TAFA2: variants seen among roughly 807,000 people sequenced by gnomAD.
TAFA2 encodes TAFA chemokine like family member 2, also known as chemokine-like protein TAFA-2.
Under a neutral mutation model 18.8 loss-of-function variants are expected in TAFA2, and 7 were observed. The ratio of observed to expected loss-of-function variants is 0.37; its 90% CI spans 0.21 to 0.70. The LOEUF (loss-of-function observed/expected upper bound fraction) is 0.70, where lower values mean the gene tolerates loss of function less well. Among genes scored for constraint, TAFA2 ranks in the 30% least tolerant of loss-of-function variants. The pLI, the probability that TAFA2 is intolerant of heterozygous loss-of-function variation, is 0.53. For synonymous variants in TAFA2, 60 were observed against 54.2 expected (o/e 1.11, Z -0.47); for missense variants, 122 against 158.1 (o/e 0.77, Z 1.23).
intron 1 of TAFA2, among the ~76,000 whole-genome samples, chr12:62,204,245 C>G (rs1284037381): frequency 1.3e-5 from 2 of 152,062 alleles, no homozygotes; most frequent in Non-Finnish European, 2.9e-5. Context: ...GGTGACCTGG[C>G]CTTTCTCTCT....
chr12:62,246,255 G>A (rs1009506198), intron 1 of TAFA2, among the ~76,000 whole-genome samples: 4 of 152,026 alleles, frequency 2.6e-5, no homozygotes, highest in African/African-American at 9.7e-5. Context: ...CAAAGTGCTG[G>A]GATTACAAGC....
intron 2 of TAFA2, among the ~76,000 whole-genome samples, chr12:61,781,094 A>T (rs750495290): frequency 3.3e-5 from 5 of 151,766 alleles, no homozygotes; most frequent in Non-Finnish European, 5.9e-5. Context: ...CTACAATCAG[A>T]GATAAAAGGC....
chr12:62,210,052 T>G lies in TAFA2; in HGVS notation c.-130+48711A>C, dbSNP rs1349809581. Reference sequence around the variant, plus strand: ...CGTCTCTACTAAAAATACAAAAAATTAGCCGGGCGTGGTGGTGGGCGCCTG... The same window carrying G: ...CGTCTCTACTAAAAATACAAAAAATGAGCCGGGCGTGGTGGTGGGCGCCTG... On this transcript the variant is annotated intron_variant, in intron 1 of 5. Coordinates refer to the TAFA2 transcript ENST00000551619. Among the ~76,000 whole-genome samples, 4 of 152,006 alleles carry G rather than the reference T, an allele frequency of 2.6e-5. No individual in the cohort carries two copies. In the East Asian group the frequency reaches 7.8e-4, roughly 29 times the overall value.
chr12:61,844,440 A>C (rs1873317905), intron 2 of TAFA2, among the ~76,000 whole-genome samples: 2 of 152,114 alleles, frequency 1.3e-5, no homozygotes, highest in Non-Finnish European at 2.9e-5. Context: ...GCAACAGTAC[A>C]CGAGAAAAGC....
At chr12:62,258,288 AT>A (rs2062950159) in intron 1 of TAFA2, 2 of 152,230 alleles carry the variant, frequency 1.3e-5, no homozygotes, top group African/African-American at 4.8e-5. Flanking sequence ...AATCTGATGT[AT>A]AATTCAAATT....
At chr12:62,083,510 C>T (rs2136823147) in intron 1 of TAFA2, among the ~76,000 whole-genome samples, 1 of 152,228 alleles carries the variant, frequency 6.6e-6, no homozygotes, top group Admixed American at 6.5e-5. Flanking sequence ...AAACCTCTCT[C>T]CTCTCCGCCA....
At chr12:62,149,237 C>T (rs1006435544) in intron 1 of TAFA2, among the ~76,000 whole-genome samples, 7 of 152,044 alleles carry the variant, frequency 4.6e-5, no homozygotes, top group Non-Finnish European at 5.9e-5. Context: ...AATTGGCTCT[C>T]GAGAATTAAA....
chr12:62,037,613 T>A (rs1281514908), intron 1 of TAFA2, among the ~76,000 whole-genome samples: 4 of 152,184 alleles, frequency 2.6e-5, no homozygotes, highest in Non-Finnish European at 5.9e-5. Context: ...CACTACAGAC[T>A]TATGGAATAA....
chr12:62,109,864 T>C (rs558190606), intron 1 of TAFA2, among the ~76,000 whole-genome samples: 2 of 152,222 alleles, frequency 1.3e-5, no homozygotes, highest in Non-Finnish European at 2.9e-5. Flanking sequence ...TTTATCAGTT[T>C]AAGGAGATTT....
chr12:61,726,009 G>T (rs1201013992), intron 4 of TAFA2, among the ~76,000 whole-genome samples: 2 of 136,866 alleles, frequency 1.5e-5, no homozygotes, highest in East Asian at 2.2e-4. Flanking sequence ...TCTGAGAAGA[G>T]TTTCTTTTTT....
At chr12:61,890,874 A>G (rs769717091) in intron 1 of TAFA2, among the ~76,000 whole-genome samples, 6 of 152,154 alleles carry the variant, frequency 3.9e-5, no homozygotes, top group Non-Finnish European at 8.8e-5. Context: ...ACATCGTAGC[A>G]TAAGTGCCAG....
At chr12:61,914,160 A>G (rs906599208) in intron 1 of TAFA2, among the ~76,000 whole-genome samples, 13 of 152,154 alleles carry the variant, frequency 8.5e-5, no homozygotes, top group African/African-American at 2.9e-4. Flanking sequence ...TGCCCTAAGG[A>G]TGAAGATCCA....
At chr12:62,216,773 TG>T (rs1347273234) in intron 1 of TAFA2, among the ~76,000 whole-genome samples, 1 of 152,236 alleles carries the variant, frequency 6.6e-6, no homozygotes, top group Non-Finnish European at 1.5e-5. Flanking sequence ...TTAATTCTTT[TG>T]CCCTCTGACA....
At chr12:61,959,426 T>A (rs1878807000) in intron 1 of TAFA2, among the ~76,000 whole-genome samples, 1 of 152,064 alleles carries the variant, frequency 6.6e-6, no homozygotes, top group Non-Finnish European at 1.5e-5. Context: ...TTTGTCAATA[T>A]TTTAAAGGTA....
At chr12:62,045,605 C>A (rs1028412400) in intron 1 of TAFA2, among the ~76,000 whole-genome samples, 17 of 152,174 alleles carry the variant, frequency 1.1e-4, no homozygotes, top group Admixed American at 1.0e-3. Context: ...CAAAATTATG[C>A]TCTACAAACT....
At chr12:61,765,201 C>G (rs1177020251) in intron 2 of TAFA2, among the ~76,000 whole-genome samples, 1 of 152,040 alleles carries the variant, frequency 6.6e-6, no homozygotes, top group Non-Finnish European at 1.5e-5. Context: ...CTCCATCACC[C>G]ACTCTCTCTC....
chr12:62,127,114 C>A (rs1870494826), intron 1 of TAFA2, among the ~76,000 whole-genome samples: 1 of 152,022 alleles, frequency 6.6e-6, no homozygotes, highest in African/African-American at 2.4e-5. Context: ...CTAGTTTCAT[C>A]ATGGGTTTAT....
intron 4 of TAFA2, among the ~76,000 whole-genome samples, chr12:61,741,991 G>A (rs1868475723): frequency 6.6e-6 from 1 of 152,076 alleles, no homozygotes; most frequent in Admixed American, 6.6e-5. Flanking sequence ...CCACCTCCTG[G>A]GTTCAAGCAA....
intron 1 of TAFA2, among the ~76,000 whole-genome samples, chr12:62,245,727 C>T (rs1201826760): frequency 7.2e-6 from 1 of 139,186 alleles, no homozygotes; most frequent in Non-Finnish European, 1.5e-5. Context: ...ATTTATAATA[C>T]ATATAGATAC....
Sources: allele counts gnomAD v4.1 joint callset (sites outside exome capture counted in the v4.1 genomes callset), GRCh38; gene constraint gnomAD v4.1.1; transcripts MANE v1.5; gene names NCBI Gene and HGNC (gene_info 2026-07-23, HGNC 2026-07-21).